Variants in INTU observed in about 807,000 individuals in gnomAD.
INTU encodes the protein inturned planar cell polarity protein.
INTU carries 68 observed loss-of-function variants against 100.5 expected under a neutral mutation model. The ratio of observed to expected loss-of-function variants is 0.68; its 90% CI spans 0.56 to 0.83. The LOEUF (loss-of-function observed/expected upper bound fraction) is 0.83. Among genes scored for constraint, INTU ranks in the 40% least tolerant of loss-of-function variants. The pLI, the probability that INTU is intolerant of heterozygous loss-of-function variation, is 0.00. For synonymous variants in INTU, 357 were observed against 395.7 expected (o/e 0.90, Z 1.16); for missense variants, 1,071 against 1,114.7 (o/e 0.96, Z 0.56).
chr4:127,643,564 G>C lies in INTU; in HGVS notation c.190G>C (p.Glu64Gln), dbSNP rs367867432. The change falls in exon 2 of 16, where the codon GAG (glutamate) becomes CAG (glutamine). Residue 64 changes from glutamate (E) to glutamine (Q), a missense_variant. Glu to Gln is a conservative substitution (Grantham distance 29). Transcript: ENST00000335251. ...GCTGGACAGTGTGCAGAAAAATGGA[G>C]AGCTGTTTTATTTGGAATTGAGTGA... ...EWLDSVQKNG[E>Q]LFYLELSEDE... 1 of 1,608,394 alleles carries C rather than the reference G, an allele frequency of 6.2e-7. No individual in the cohort carries two copies. The highest frequency in any genetic ancestry group is 8.5e-7 in the Non-Finnish European group (1 of 1,178,652).
At chr4:127,683,126 T>C (rs1288876036) in intron 6 of INTU, among the ~76,000 whole-genome samples, 1 of 152,170 alleles carries the variant, frequency 6.6e-6, no homozygotes, top group African/African-American at 2.4e-5. Context: ...AGGGATGCTC[T>C]AGCTAATTTC....
chr4:127,658,317 C>CGAGTG (rs148351198), intron 3 of INTU, among the ~76,000 whole-genome samples: 1 of 151,092 alleles, frequency 6.6e-6, no homozygotes, highest in Non-Finnish European at 1.5e-5. Context: ...GAATGGATAG[C>CGAGTG]GAGATGGAGA....
intron 6 of INTU, among the ~76,000 whole-genome samples, chr4:127,675,322 C>T (rs907415572): frequency 2.0e-5 from 3 of 152,126 alleles, no homozygotes; most frequent in Non-Finnish European, 4.4e-5. Flanking sequence ...CTTGATGTTG[C>T]TTCAAGCTTC....
At position 127,652,385 on chromosome 4, in the gene INTU, A is replaced by G. The variant is rs573075725; in HGVS notation, c.683-4251A>G. Among the ~76,000 whole-genome samples the G allele has an allele frequency of 7.8e-3, 1,157 of 148,920 alleles. 10 individuals carry two copies. Among genetic ancestry groups the G allele is most frequent in the African/African-American group, 0.027 (1,068 of 39,416 alleles). On this transcript the variant is annotated intron_variant, in intron 2 of 15. Coordinates refer to ENST00000335251, the MANE Select transcript of INTU (RefSeq NM_015693.4). ...TCATAGATAGCTCTTATTATTTTGA[A>G]ATACGTCCCATCAATACCTAATTTA... is the stretch of plus-strand genomic sequence containing the variant.
At chr4:127,710,799 A>C (rs1293201972) in intron 13 of INTU, 114 bp from the exon 14 acceptor site, 5 of 541,268 alleles carry the variant, frequency 9.2e-6, no homozygotes, top group Admixed American at 3.6e-5. Context: ...TATACTACTA[A>C]TATTATATTG....
chr4:127,689,919 C>T (rs760557315), intron 8 of INTU, among the ~76,000 whole-genome samples: 1 of 152,182 alleles, frequency 6.6e-6, no homozygotes, highest in Non-Finnish European at 1.5e-5. Flanking sequence ...CCCATGCCCA[C>T]TTCATGAGTC....
chr4:127,657,592 G>C (rs1398275360), intron 3 of INTU, among the ~76,000 whole-genome samples: 1 of 152,204 alleles, frequency 6.6e-6, no homozygotes, highest in East Asian at 1.9e-4. Flanking sequence ...TCACATTAGT[G>C]TCTGAGCTCC....
intron 3 of INTU, among the ~76,000 whole-genome samples, chr4:127,659,179 C>T (rs1229673689): frequency 6.6e-6 from 1 of 152,170 alleles, no homozygotes; most frequent in Non-Finnish European, 1.5e-5. Flanking sequence ...GCTATGCCAC[C>T]TGGTTCCTAA....
At chr4:127,676,639 C>A (rs1310080563) in intron 6 of INTU, among the ~76,000 whole-genome samples, 1 of 150,078 alleles carries the variant, frequency 6.7e-6, no homozygotes. Context: ...CGAATAGGAA[C>A]AGGTCCAGTC....
chr4:127,691,962 G>GTATATATATATATATATATA lies in INTU; in HGVS notation c.1449+4114_1449+4115insATATATATATATATATATAT, dbSNP rs1553982611. Among the ~76,000 whole-genome samples, 250 of 98,150 alleles carry GTATATATATATATATATATA rather than the reference G, an allele frequency of 2.5e-3. 9 individuals are homozygous for GTATATATATATATATATATA. Among genetic ancestry groups the GTATATATATATATATATATA allele is most frequent in the East Asian group, 0.015 (57 of 3,856 alleles). 64.4% of individuals were successfully genotyped at this position (98,150 alleles called of 152,430 possible). ...GGCGGAGTATAGTGTTCCATGGTAT[G>GTATATATATATATATATATA]TATATATATATATATATATGTCACA... On this transcript the variant is annotated intron_variant, in intron 8 of 15. Coordinates refer to ENST00000335251, the MANE Select transcript of INTU (RefSeq NM_015693.4).
intron 2 of INTU, among the ~76,000 whole-genome samples, chr4:127,645,108 C>T (rs941342954): frequency 6.6e-6 from 1 of 152,156 alleles, no homozygotes; most frequent in Admixed American, 6.6e-5. Flanking sequence ...GCATCTGTGG[C>T]AAAGTATGTG....
intron 8 of INTU, among the ~76,000 whole-genome samples, chr4:127,696,530 C>G (rs544109897): frequency 6.6e-6 from 1 of 151,728 alleles, no homozygotes; most frequent in Non-Finnish European, 1.5e-5. Flanking sequence ...TAATGCCCCC[C>G]CCCTTTCATT....
rs563081765 is a variant in INTU at position 127,643,322 on chromosome 4, A to G, written c.147-199A>G. 2.3e-4 allele frequency among the ~76,000 whole-genome samples: 35 copies of G among 152,196 alleles called. 2 individuals are homozygous for G. The East Asian group carries it at 6.8e-3, about 29-fold the overall frequency. ...CCCCAACTCCTATTCAAAGCTCTAC[A>G]AAAAAAGCATCCTATATGAAATAAT... On this transcript the variant is annotated intron_variant, in intron 1 of 15. Transcript: ENST00000335251.
chr4:127,681,706 A>G lies in INTU; in HGVS notation c.1182-2703A>G, dbSNP rs1308936707. Among the ~76,000 whole-genome samples the G allele has an allele frequency of 4.6e-5, 7 of 152,274 alleles. No homozygotes were observed. The East Asian group carries it at 5.8e-4, about 13-fold the overall frequency. ...ACATAGGCATGGGCAAGGACTTCAT[A>G]TCTAAAACACCAAAAGCAGTGGCAA... On this transcript the variant is annotated intron_variant, in intron 6 of 15. Transcript: ENST00000335251.
chr4:127,643,886 C>G lies in INTU; in HGVS notation c.512C>G (p.Thr171Ser), dbSNP rs1186782433. ...VNVYVNPKKL[T>S]VIKAKEQLKL... ...GTTTATGTAAACCCCAAAAAGCTAA[C>G]TGTTATCAAAGCCAAAGAGCAGCTC... The change falls in exon 2 of 16, where the codon ACT (threonine) becomes AGT (serine). Residue 171 changes from threonine to serine, a missense_variant. By Grantham distance (58) the Thr-to-Ser change is moderately conservative (BLOSUM62 1). Coordinates refer to ENST00000335251, the MANE Select transcript of INTU (RefSeq NM_015693.4). The G allele has an allele frequency of 1.9e-6, 3 of 1,614,140 alleles. No individual in the cohort carries two copies. The highest frequency in any genetic ancestry group is 1.7e-6 in the Non-Finnish European group (2 of 1,180,024).
intron 1 of INTU, among the ~76,000 whole-genome samples, chr4:127,641,464 A>T (rs559442518): frequency 6.6e-6 from 1 of 151,968 alleles, no homozygotes; most frequent in Admixed American, 6.6e-5. Context: ...CTCCTGTTTG[A>T]AATCCTCTTC....
intron 6 of INTU, among the ~76,000 whole-genome samples, chr4:127,677,714 G>A (rs1030983789): frequency 6.6e-5 from 10 of 152,162 alleles, no homozygotes; most frequent in South Asian, 2.1e-4. Context: ...CCAAAGGAAC[G>A]CAGCTCCTCA....
intron 8 of INTU, among the ~76,000 whole-genome samples, chr4:127,697,540 A>G (rs952637599): frequency 6.6e-6 from 1 of 152,108 alleles, no homozygotes; most frequent in Non-Finnish European, 1.5e-5. Flanking sequence ...TAGGTTCCAC[A>G]TATGAGTGAG....
At chr4:127,703,714 A>G (rs960143599) in intron 9 of INTU, among the ~76,000 whole-genome samples, 1 of 152,114 alleles carries the variant, frequency 6.6e-6, no homozygotes, top group Non-Finnish European at 1.5e-5. Context: ...TAATTTTTCC[A>G]TATTACAAAT....
Sources: allele counts gnomAD v4.1 joint callset (sites outside exome capture counted in the v4.1 genomes callset), GRCh38; gene constraint gnomAD v4.1.1; transcripts MANE v1.5; gene names NCBI Gene and HGNC (gene_info 2026-07-23, HGNC 2026-07-21).